FARP1: variants seen among roughly 807,000 people sequenced by gnomAD.
The protein encoded by FARP1 is FERM, ARH/RhoGEF and pleckstrin domain protein 1, also known as FERM, ARHGEF and pleckstrin domain-containing protein 1.
A neutral mutation model predicts 128.8 loss-of-function variants in FARP1; 52 were observed. The ratio of observed to expected loss-of-function variants is 0.40; its 90% CI spans 0.32 to 0.51. The LOEUF is 0.51. Among genes scored for constraint, FARP1 ranks in the 20% least tolerant of loss-of-function variants. The pLI is 0.45. For missense variants in FARP1, 1,333 were observed against 1,367.9 expected, an observed-to-expected ratio of 0.97 and a Z score of 0.40; for synonymous variants, 580 against 551.8, an observed-to-expected ratio of 1.05 and a Z score of -0.72.
intron 1 of FARP1, among the ~76,000 whole-genome samples, chr13:98,160,856 T>G (rs1007730346): frequency 1.3e-5 from 2 of 151,946 alleles, no homozygotes; most frequent in Admixed American, 1.3e-4. Flanking sequence ...TTTTTGTATT[T>G]TTAGTAGAGA....
chr13:98,310,196 C>T (rs1378321444), intron 2 of FARP1, among the ~76,000 whole-genome samples: 2 of 152,122 alleles, frequency 1.3e-5, no homozygotes, highest in East Asian at 3.9e-4. Context: ...CTCCCCTTCC[C>T]GACGGCAGCT....
At position 98,446,179 on chromosome 13, in the gene FARP1, T is replaced by A; in HGVS notation, c.2878T>A (p.Cys960Ser). The A allele has an allele frequency of 1.2e-6, 2 of 1,613,568 alleles. No individual in the cohort carries two copies. Among genetic ancestry groups the A allele is most frequent in the Non-Finnish European group, 1.7e-6 (2 of 1,179,478 alleles). Residue 960 changes from cysteine to serine, a missense_variant, in exon 25 of 27, where the codon TGC becomes AGC. Cys to Ser is a moderately radical substitution (Grantham distance 112, BLOSUM62 -1). Around this residue, in one of 2 missense-constraint regions of FARP1, gnomAD observed 1,009 missense variants for 969.8 expected, o/e 1.04. Coordinates refer to ENST00000319562, the MANE Select transcript of FARP1 (RefSeq NM_005766.4). ...QKLWVVFTNF[C>S]LFFYKSHQDN... ...GCTGTGGGTGGTGTTCACAAACTTC[T>A]GCCTGTTCTTCTACAAATCACACCA... is the stretch of plus-strand genomic sequence containing the variant.
Position 98,395,370 on chromosome 13 carries a change from T to A in FARP1, c.1308T>A (p.Gly436=), listed in dbSNP as rs746758531. The A allele has an allele frequency of 3.1e-6, 5 of 1,611,432 alleles. No homozygotes were observed. The highest frequency in any genetic ancestry group is 4.2e-6 in the Non-Finnish European group (5 of 1,178,980). Residue 436 remains glycine, a synonymous_variant, in exon 13 of 27, where the codon GGT becomes GGA. Transcript: ENST00000319562. ...CTGCGCCGAGGAGAAGCCCCGCGGG[T>A]AACAAGCAGGCGGACGGAGCCGCCT... is the stretch of plus-strand genomic sequence containing the variant. ...PSPAPRRSPA[G]NKQADGAASA... is the part of the protein sequence containing the mutation.
At chr13:98,295,628 A>G (rs1885654163) in intron 2 of FARP1, among the ~76,000 whole-genome samples, 1 of 152,196 alleles carries the variant, frequency 6.6e-6, no homozygotes, top group Middle Eastern at 3.2e-3. Flanking sequence ...ATCTTGTTCC[A>G]TAAAGCATCA....
intron 24 of FARP1, among the ~76,000 whole-genome samples, chr13:98,443,530 C>T (rs1233540201): frequency 1.3e-5 from 2 of 152,258 alleles, no homozygotes; most frequent in Non-Finnish European, 2.9e-5. Context: ...ACAGCCTCCT[C>T]TCCCCAGTCC....
Position 98,317,124 on chromosome 13 carries a change from C to T in FARP1, c.172-26638C>T, listed in dbSNP as rs577419606. ...TCCAGCTGCCACTCCCTATTTCTAG[C>T]GTTGCTGCCAAGAAGATGGGTTATT... On this transcript the variant is annotated intron_variant, in intron 2 of 26. Coordinates refer to ENST00000319562, the MANE Select transcript of FARP1 (RefSeq NM_005766.4). Among the ~76,000 whole-genome samples, 53 of 152,260 alleles carry T rather than the reference C, an allele frequency of 3.5e-4. 1 individual carries two copies. In the East Asian group the frequency reaches 6.0e-3, roughly 17 times the overall value.
At chr13:98,185,185 A>C (rs1304748808) in intron 1 of FARP1, among the ~76,000 whole-genome samples, 1 of 152,146 alleles carries the variant, frequency 6.6e-6, no homozygotes, top group Admixed American at 6.5e-5. Flanking sequence ...ATTTATGCTT[A>C]ATAAATATTG....
chr13:98,188,118 CTTG>C (rs966880998), intron 1 of FARP1, among the ~76,000 whole-genome samples: 1 of 152,180 alleles, frequency 6.6e-6, no homozygotes, highest in Non-Finnish European at 1.5e-5. Context: ...ATGGCTGCCG[CTTG>C]TTGTTCAGGT....
chr13:98,167,653 G>T (rs1449767936), intron 1 of FARP1, among the ~76,000 whole-genome samples: 1 of 151,582 alleles, frequency 6.6e-6, no homozygotes, highest in Non-Finnish European at 1.5e-5. Context: ...CAAATGATCC[G>T]CCCGCCTCAG....
intron 1 of FARP1, among the ~76,000 whole-genome samples, chr13:98,205,358 T>C (rs1441875213): frequency 6.6e-6 from 1 of 152,148 alleles, no homozygotes; most frequent in African/African-American, 2.4e-5. Flanking sequence ...ATTGTGGGTA[T>C]GTTGGATCAT....
At chr13:98,248,879 G>A (rs1208128949) in intron 2 of FARP1, among the ~76,000 whole-genome samples, 1 of 151,992 alleles carries the variant, frequency 6.6e-6, no homozygotes, top group African/African-American at 2.4e-5. Context: ...CACTGTCCAG[G>A]GTTCCTGAGC....
chr13:98,434,713 G>C (rs1367031729), intron 18 of FARP1: 1 of 152,226 alleles, frequency 6.6e-6, no homozygotes, highest in Admixed American at 6.5e-5. Context: ...GAAAAATAAA[G>C]GCCTGATGTG....
At chr13:98,412,925 C>T (rs9584839) in intron 16 of FARP1, among the ~76,000 whole-genome samples, 2,083 of 152,302 alleles carry the variant, frequency 0.014, 39 homozygotes, top group African/African-American at 0.043. Context: ...GGGCTGTATC[C>T]TCACTACCAG....
chr13:98,435,363 T>G, intron 18 of FARP1: 1 of 479,994 alleles, frequency 2.1e-6, no homozygotes, highest in South Asian at 3.0e-5. Context: ...CAGGGGTCAC[T>G]TAGTTTTAAG....
intron 2 of FARP1, among the ~76,000 whole-genome samples, chr13:98,277,468 A>G (rs896319301): frequency 6.6e-6 from 1 of 152,156 alleles, no homozygotes; most frequent in African/African-American, 2.4e-5. Context: ...TTAGAAAGAA[A>G]TATATTAATT....
At chr13:98,423,507 T>C (rs1322176461) in intron 16 of FARP1, among the ~76,000 whole-genome samples, 1 of 152,176 alleles carries the variant, frequency 6.6e-6, no homozygotes, top group African/African-American at 2.4e-5. Context: ...AATTGCCAGG[T>C]TGATTGTTGA....
intron 13 of FARP1, among the ~76,000 whole-genome samples, chr13:98,408,640 T>C (rs559778008): frequency 1.3e-5 from 2 of 152,354 alleles, no homozygotes; most frequent in East Asian, 3.9e-4. Flanking sequence ...CATTTTCATA[T>C]TACTATGGTA....
chr13:98,426,456 C>T (rs1345980708), intron 17 of FARP1, among the ~76,000 whole-genome samples: 1 of 152,194 alleles, frequency 6.6e-6, no homozygotes, highest in Non-Finnish European at 1.5e-5. Flanking sequence ...CGCCACTGCA[C>T]TCAAGCCTGG....
chr13:98,429,519 C>T (rs11841018), intron 17 of FARP1, among the ~76,000 whole-genome samples: 1 of 152,090 alleles, frequency 6.6e-6, no homozygotes, highest in African/African-American at 2.4e-5. Flanking sequence ...AGGGCAGGTC[C>T]CACATTTTCT....
Sources: allele counts gnomAD v4.1 joint callset (sites outside exome capture counted in the v4.1 genomes callset), GRCh38; gene constraint gnomAD v4.1.1; regional missense constraint gnomAD v4.1.1; transcripts MANE v1.5; gene names NCBI Gene and HGNC (gene_info 2026-07-23, HGNC 2026-07-21).